Variants in ANK3 observed in about 807,000 individuals in gnomAD.
ANK3 encodes the protein ankyrin 3.
A neutral mutation model predicts 370.9 loss-of-function variants in ANK3; 57 were observed. That is an observed-to-expected ratio of 0.15 (90% CI 0.12 to 0.19). ANK3 has a LOEUF of 0.19. Ranked by LOEUF, ANK3 falls within the 10% of genes least tolerant of loss-of-function variation. ANK3 has a pLI of 1.00. For missense variants in ANK3, 4,439 were observed against 5,302.1 expected, an observed-to-expected ratio of 0.84 and a Z score of 5.06; for synonymous variants, 1,929 against 1,946.3, an observed-to-expected ratio of 0.99 and a Z score of 0.23.
chr10:60,296,190 C>G (rs1352515791), intron 1 of ANK3, among the ~76,000 whole-genome samples: 1 of 152,200 alleles, frequency 6.6e-6, no homozygotes, highest in African/African-American at 2.4e-5. Flanking sequence ...TAGAGTCTTT[C>G]CAAGTGGCTA....
chr10:60,040,289 T>A (rs1201601192), intron 43 of ANK3, among the ~76,000 whole-genome samples: 1 of 151,906 alleles, frequency 6.6e-6, no homozygotes, highest in Admixed American at 6.6e-5. Context: ...TGCTTAGTTT[T>A]CTTTTTTTTT....
intron 1 of ANK3, among the ~76,000 whole-genome samples, chr10:60,631,536 A>G (rs180711770): frequency 6.6e-6 from 1 of 152,204 alleles, no homozygotes; most frequent in Non-Finnish European, 1.5e-5. Flanking sequence ...ATCTCAAAAA[A>G]TAAAATAAAA....
intron 2 of ANK3, among the ~76,000 whole-genome samples, chr10:60,581,919 C>T (rs1029937402): frequency 1.3e-5 from 2 of 152,116 alleles, no homozygotes; most frequent in African/African-American, 4.8e-5. Flanking sequence ...GGCACATATA[C>T]ACCATGGAAT....
At chr10:60,103,326 T>C (rs567809999) in intron 28 of ANK3, among the ~76,000 whole-genome samples, 1 of 152,252 alleles carries the variant, frequency 6.6e-6, no homozygotes, top group South Asian at 2.1e-4. Context: ...ATCTTGTTAA[T>C]TAACAGTTAT....
At chr10:60,067,840 G>A (rs2081946539) in intron 38 of ANK3, 95 bp downstream of exon 38, 4 of 989,032 alleles carry the variant, frequency 4.0e-6, no homozygotes, top group Non-Finnish European at 5.8e-6. Context: ...CTAGCTGCTT[G>A]TTTCTATTTT....
chr10:60,596,578 G>A lies in ANK3; in HGVS notation c.96+18608C>T, dbSNP rs148205478. 3.8e-3 allele frequency among the ~76,000 whole-genome samples: 574 copies of A among 152,242 alleles called. 5 individuals carry two copies. Among genetic ancestry groups the A allele is most frequent in the African/African-American group, 0.013 (549 of 41,552 alleles). The stretch of plus-strand genomic sequence containing the variant: ...TTTAGAATACATGTTGAGAAGTACC[G>A]ATAGATTTGTCCACTGGATACTTTA... On this transcript the variant is annotated intron_variant, in intron 2 of 43. Coordinates refer to the ANK3 transcript ENST00000373827.
intron 2 of ANK3, among the ~76,000 whole-genome samples, chr10:60,532,455 C>A (rs1386077148): frequency 4.6e-5 from 7 of 151,862 alleles, no homozygotes; most frequent in South Asian, 4.2e-4. Context: ...ACTTCTCAAA[C>A]CTTTAGAGTC....
chr10:60,183,080 C>T (rs998860164), intron 17 of ANK3, among the ~76,000 whole-genome samples: 9 of 152,150 alleles, frequency 5.9e-5, no homozygotes, highest in Admixed American at 5.2e-4. Context: ...CCTCATGCTC[C>T]CATGTCTAGG....
At chr10:60,477,499 TGACA>T (rs71015798) in intron 2 of ANK3, among the ~76,000 whole-genome samples, 8,005 of 132,544 alleles carry the variant, frequency 0.06, 323 homozygotes, top group Non-Finnish European at 0.08. Flanking sequence ...ACATACCTAC[TGACA>T]GACAGACAGA....
At position 60,149,795 on chromosome 10, in the gene ANK3, G is replaced by A. The variant is rs539701041; in HGVS notation, c.2615-10708C>T. Among the ~76,000 whole-genome samples, 429 of 152,234 alleles carry A rather than the reference G, an allele frequency of 2.8e-3. 3 individuals carry two copies. The highest frequency in any genetic ancestry group is 4.8e-3 in the Non-Finnish European group (329 of 68,006). Reference sequence around the variant, plus strand: ...ACGATCTCGGCTCACTGCAACCTCCGCCTCCTGGGTTCAAGTGAGTCTCCT... The same window carrying A: ...ACGATCTCGGCTCACTGCAACCTCCACCTCCTGGGTTCAAGTGAGTCTCCT... On this transcript the variant is annotated intron_variant, in intron 23 of 43. Transcript: ENST00000280772.
chr10:60,577,549 G>A (rs183052144), intron 2 of ANK3, among the ~76,000 whole-genome samples: 29 of 152,154 alleles, frequency 1.9e-4, no homozygotes, highest in African/African-American at 6.7e-4. Context: ...CCCTGCACAA[G>A]TTCTGTTACT....
intron 1 of ANK3, among the ~76,000 whole-genome samples, chr10:60,638,279 G>T (rs1366400617): frequency 6.6e-6 from 1 of 152,110 alleles, no homozygotes; most frequent in Non-Finnish European, 1.5e-5. Context: ...TGTAATACAT[G>T]CGATATTGGG....
intron 2 of ANK3, among the ~76,000 whole-genome samples, chr10:60,559,696 G>T (rs1439397542): frequency 1.3e-5 from 2 of 151,746 alleles, no homozygotes; most frequent in Non-Finnish European, 2.9e-5. Flanking sequence ...TTTTTCTTTC[G>T]ACCACAAGCC....
chr10:60,235,566 T>C (rs925619055), intron 7 of ANK3, among the ~76,000 whole-genome samples: 1 of 148,832 alleles, frequency 6.7e-6, no homozygotes, highest in African/African-American at 2.5e-5. Context: ...TTTTTTTTTT[T>C]TTTTTTTTTT....
chr10:60,505,566 T>C (rs955865859), intron 2 of ANK3, among the ~76,000 whole-genome samples: 3 of 152,140 alleles, frequency 2.0e-5, no homozygotes, highest in South Asian at 4.1e-4. Flanking sequence ...TTCTTCCTGA[T>C]CAAGATTCTG....
chr10:60,219,870 A>C (rs1320912203), intron 8 of ANK3, among the ~76,000 whole-genome samples: 1 of 152,186 alleles, frequency 6.6e-6, no homozygotes, highest in African/African-American at 2.4e-5. Context: ...GCCAAATCTC[A>C]ATAGTATTAA....
intron 1 of ANK3, among the ~76,000 whole-genome samples, chr10:60,638,193 G>A (rs2078581032): frequency 6.6e-6 from 1 of 152,192 alleles, no homozygotes; most frequent in Non-Finnish European, 1.5e-5. Context: ...GAAAGAACCA[G>A]TAGGCTGAAA....
intron 9 of ANK3, 38 bp from the exon 10 acceptor site, chr10:60,208,271 C>T: frequency 6.3e-7 from 1 of 1,580,840 alleles, no homozygotes; most frequent in Non-Finnish European, 8.7e-7. Context: ...ATTCTTTTAC[C>T]TTTTAAACAC....
chr10:60,211,167 G>A (rs1030292682), intron 9 of ANK3, among the ~76,000 whole-genome samples: 8 of 152,132 alleles, frequency 5.3e-5, no homozygotes, highest in Non-Finnish European at 1.0e-4. Flanking sequence ...TTGGTTCAAA[G>A]ACTGTGTATG....
Sources: allele counts gnomAD v4.1 joint callset (sites outside exome capture counted in the v4.1 genomes callset), GRCh38; gene constraint gnomAD v4.1.1; transcripts MANE v1.5; gene names NCBI Gene and HGNC (gene_info 2026-07-23, HGNC 2026-07-21).